PUS10: variants seen among roughly 807,000 people sequenced by gnomAD.
PUS10 encodes the protein pseudouridine synthase 10, also known as tRNA pseudouridine synthase Pus10.
A neutral mutation model predicts 75.0 loss-of-function variants in PUS10; 59 were observed. The ratio of observed to expected loss-of-function variants is 0.79; its 90% CI spans 0.64 to 0.98. The LOEUF is 0.98. PUS10 is among the 50% of genes least tolerant of loss of function. PUS10 has a pLI of 0.00. For synonymous variants in PUS10, 219 were observed against 211.6 expected (o/e 1.03, Z -0.30); for missense variants, 650 against 614.4 (o/e 1.06, Z -0.61).
chr2:60,971,865 CTTTTTTTTT>C (rs756222357), intron 4 of PUS10, among the ~76,000 whole-genome samples: 6 of 99,618 alleles, frequency 6.0e-5, no homozygotes, highest in South Asian at 3.0e-4. Context: ...TCTTTCTTCT[CTTTTTTTTT>C]TTTTTTTTTT....
intron 15 of PUS10, among the ~76,000 whole-genome samples, chr2:60,950,183 G>T (rs1558867986): frequency 6.6e-6 from 1 of 152,178 alleles, no homozygotes; most frequent in African/African-American, 2.4e-5. Context: ...CATTGGAGAT[G>T]ATCTAGTCCA....
chr2:60,994,061 T>C (rs1678291411), intron 4 of PUS10, among the ~76,000 whole-genome samples: 2 of 151,930 alleles, frequency 1.3e-5, no homozygotes, highest in Admixed American at 1.3e-4. Flanking sequence ...AGTGCTGGGA[T>C]TACAGGCGTG....
chr2:61,014,328 G>C (rs1055619308), intron 1 of PUS10, among the ~76,000 whole-genome samples: 6 of 152,048 alleles, frequency 3.9e-5, no homozygotes, highest in Non-Finnish European at 7.4e-5. Context: ...GCAGTGAGCC[G>C]AGATCATGCC....
At chr2:60,964,417 C>T (rs1012059046) in intron 8 of PUS10, among the ~76,000 whole-genome samples, 2 of 152,186 alleles carry the variant, frequency 1.3e-5, no homozygotes, top group East Asian at 1.9e-4. Flanking sequence ...AAACCACCTA[C>T]GAAACTGATG....
At chr2:60,973,200 C>T (rs1171120152) in intron 4 of PUS10, among the ~76,000 whole-genome samples, 1 of 152,262 alleles carries the variant, frequency 6.6e-6, no homozygotes, top group Non-Finnish European at 1.5e-5. Flanking sequence ...ACAGCCGGGA[C>T]TCGTGGGGCC....
At chr2:60,955,620 C>T (rs1033381416) in intron 11 of PUS10, among the ~76,000 whole-genome samples, 6 of 152,184 alleles carry the variant, frequency 3.9e-5, no homozygotes, top group Admixed American at 3.3e-4. Flanking sequence ...TGAGCCACTG[C>T]ACCTGGACCA....
At chr2:61,011,540 AG>A (rs919116397) in intron 2 of PUS10, among the ~76,000 whole-genome samples, 4 of 152,220 alleles carry the variant, frequency 2.6e-5, no homozygotes, top group African/African-American at 9.6e-5. Context: ...TCCTCCACAA[AG>A]ATCCCATTAC....
chr2:60,958,809 C>G (rs1343969837), intron 11 of PUS10, among the ~76,000 whole-genome samples: 1 of 152,088 alleles, frequency 6.6e-6, no homozygotes, highest in East Asian at 1.9e-4. Flanking sequence ...TTGCTTAAGC[C>G]CAGGAGCTAA....
Position 60,961,499 on chromosome 2 carries a change from C to A in PUS10, c.838G>T (p.Glu280Ter). The change falls in exon 10 of 18, where the codon GAA (glutamate) becomes TAA (stop). Residue 280 changes from glutamate (E) to a stop codon, truncating the protein, a stop_gained. Coordinates refer to ENST00000316752, the MANE Select transcript of PUS10 (RefSeq NM_144709.4). LOFTEE classifies it high-confidence loss of function. Reference protein sequence around the residue: ...NSPKAVCAVLEIECAHGAVFV... With the variant: ...NSPKAVCAVL ...ACAGCACCATGAGCACATTCAATTT[C>A]AAGAACAGCGCATACAGCCTTTGGT... is the stretch of plus-strand genomic sequence containing the variant. 6.2e-7 allele frequency: 1 copy of A among 1,614,122 alleles called. No individual in the cohort carries two copies. The highest frequency in any genetic ancestry group is 8.5e-7 in the Non-Finnish European group (1 of 1,180,002).
Position 60,942,011 on chromosome 2 carries a change from A to T in PUS10, c.*384T>A, listed in dbSNP as rs1674650195. 5.9e-6 allele frequency: 1 copy of T among 169,716 alleles called. No individual in the cohort carries two copies. Among genetic ancestry groups the T allele is most frequent in the Non-Finnish European group, 1.3e-5 (1 of 79,222 alleles). The allele number at this position is 169,716 out of a possible 1,614,324, so 10.5% of individuals were successfully genotyped here. On this transcript the variant is annotated 3_prime_UTR_variant, in exon 18 of 18. Transcript: ENST00000316752. ...TCAGATAATTTACAAAAATTAGAAC[A>T]TGATTTTAAAGGTGGTATATCTCTT... is the stretch of plus-strand genomic sequence containing the variant.
chr2:60,961,827 C>G (rs73932670), intron 9 of PUS10, among the ~76,000 whole-genome samples: 4,808 of 152,262 alleles, frequency 0.032, 287 homozygotes, highest in African/African-American at 0.11. Context: ...TAATACTTTC[C>G]AATAGCCTCA....
intron 4 of PUS10, among the ~76,000 whole-genome samples, chr2:60,989,181 T>C (rs1344832354): frequency 6.6e-6 from 1 of 152,012 alleles, no homozygotes. Context: ...CAAGGAATTC[T>C]GGAAATAAGC....
At chr2:61,017,774 GC>G in intron 1 of PUS10, 1 of 1,549,786 alleles carries the variant, frequency 6.5e-7, no homozygotes, top group South Asian at 1.2e-5. Context: ...CGTCCCAGCC[GC>G]CACCTCCCCC....
At chr2:61,001,364 C>G (rs910036394) in intron 4 of PUS10, among the ~76,000 whole-genome samples, 1 of 152,024 alleles carries the variant, frequency 6.6e-6, no homozygotes, top group Admixed American at 6.6e-5. Context: ...GCAGCCTCCC[C>G]CTCCCGGGTT....
chr2:60,955,897 AAC>A (rs1675617989), intron 11 of PUS10, among the ~76,000 whole-genome samples: 1 of 152,156 alleles, frequency 6.6e-6, no homozygotes, highest in South Asian at 2.1e-4. Flanking sequence ...ACAAAGCAAA[AAC>A]AGTCATTATT....
At chr2:60,978,899 T>C (rs1677206627) in intron 4 of PUS10, among the ~76,000 whole-genome samples, 2 of 152,228 alleles carry the variant, frequency 1.3e-5, no homozygotes, top group Admixed American at 1.3e-4. Flanking sequence ...GACTTGCTGA[T>C]TGGCAGTGAT....
At position 60,971,563 on chromosome 2, in the gene PUS10, G is replaced by C. The variant is rs760475574; in HGVS notation, c.469-6C>G. On this transcript the variant is annotated splice_region_variant and splice_polypyrimidine_tract_variant and intron_variant, in intron 4 of 17. Coordinates refer to ENST00000316752, the MANE Select transcript of PUS10 (RefSeq NM_144709.4). ...ACCAGCAACCATGCAGCATGCTGTAGGCAATTTAGTCACACCCAGAAAGAG... is the reference window on the plus strand; with the variant it reads ...ACCAGCAACCATGCAGCATGCTGTACGCAATTTAGTCACACCCAGAAAGAG... The C allele has an allele frequency of 6.2e-7, 1 of 1,613,388 alleles. No individual in the cohort carries two copies. The highest frequency in any genetic ancestry group is 1.7e-5 in the Admixed American group (1 of 60,006).
chr2:60,964,881 G>C (rs1413461860), intron 8 of PUS10, among the ~76,000 whole-genome samples, 177 bp downstream of exon 8: 3 of 152,160 alleles, frequency 2.0e-5, no homozygotes, highest in Non-Finnish European at 4.4e-5. Flanking sequence ...CTAGCCAGAG[G>C]TGAAGGTTGA....
At chr2:60,997,868 T>C (rs1189993400) in intron 4 of PUS10, among the ~76,000 whole-genome samples, 2 of 152,150 alleles carry the variant, frequency 1.3e-5, no homozygotes, top group South Asian at 2.1e-4. Context: ...AAAAGGCTTA[T>C]TGAATGAAGT....
Sources: gnomAD v4.1 joint callset for allele counts (sites outside exome capture counted in the v4.1 genomes callset) on GRCh38, gnomAD v4.1.1 for gene constraint, MANE v1.5 for transcripts, NCBI Gene and HGNC (gene_info 2026-07-23, HGNC 2026-07-21) for gene names.